Variants in OR8B3 observed in about 807,000 individuals in gnomAD.
The protein encoded by OR8B3 is olfactory receptor family 8 subfamily B member 3.
For missense variants in OR8B3, 278 were observed against 377.6 expected, an observed-to-expected ratio of 0.74 and a Z score of 2.19; for synonymous variants, 102 against 135.4, an observed-to-expected ratio of 0.75 and a Z score of 1.71.
At chr11:124,404,979 CATAAAATT>C in the OR8B3 span, 5 of 152,072 alleles carry the variant, frequency 3.3e-5, no homozygotes, top group African/African-American at 1.2e-4. Flanking sequence ...AATTTAGGGA[CATAAAATT>C]ATGTTCAAAT....
upstream of OR8B3, among the ~76,000 whole-genome samples, chr11:124,403,121 T>G (rs764865850): frequency 4.6e-5 from 7 of 152,228 alleles, no homozygotes; most frequent in Non-Finnish European, 7.3e-5. Context: ...ACACAGCACA[T>G]GTTTCAGAGA....
upstream of OR8B3, among the ~76,000 whole-genome samples, chr11:124,400,912 T>C (rs979424104): frequency 6.6e-6 from 1 of 152,130 alleles, no homozygotes; most frequent in Non-Finnish European, 1.5e-5. Context: ...TCCAAAAATA[T>C]ATATATTCAT....
rs752249400 is a variant in OR8B3 at position 124,396,288 on chromosome 11, T to A, written c.*122A>T. ...AGACAAGATGATTTCATAAGAGAAATGATAAGACAAGTTTATTAAATCACA... is the reference window on the plus strand; with the variant it reads ...AGACAAGATGATTTCATAAGAGAAAAGATAAGACAAGTTTATTAAATCACA... On this transcript the variant is annotated 3_prime_UTR_variant, in exon 2 of 2. Transcript: ENST00000641139. The A allele has an allele frequency of 1.4e-4, 126 of 897,694 alleles. No individual in the cohort carries two copies. The highest frequency in any genetic ancestry group is 1.9e-4 in the Non-Finnish European group (117 of 614,268). The allele number at this position is 897,694 out of a possible 1,614,324, so 55.6% of individuals were successfully genotyped here.
At position 124,395,813 on chromosome 11, in the gene OR8B3, C is replaced by A. The variant is rs1860854152; in HGVS notation, c.*597G>T. 6.6e-6 allele frequency: 1 copy of A among 152,434 alleles called. No individual in the cohort carries two copies. The highest frequency in any genetic ancestry group is 6.5e-5 in the Admixed American group (1 of 15,286). 9.4% of individuals were successfully genotyped at this position (152,434 alleles called of 1,614,324 possible). A position where few individuals can be genotyped will look rare whatever the true frequency, so the allele number is the denominator to read the frequency against. ...TCTCTGCTGTATCAAATGCACTGGACTGATAGAGGTTCTCAGAAGCAAACG... is the reference window on the plus strand; with the variant it reads ...TCTCTGCTGTATCAAATGCACTGGAATGATAGAGGTTCTCAGAAGCAAACG... On this transcript the variant is annotated 3_prime_UTR_variant, in exon 2 of 2. Transcript: ENST00000641139.
At chr11:124,404,036 A>C in the OR8B3 span, among the ~76,000 whole-genome samples, 1 of 152,098 alleles carries the variant, frequency 6.6e-6, no homozygotes, top group African/African-American at 2.4e-5. Context: ...TCAGGCAGGG[A>C]GGTTGCAGTG....
chr11:124,408,977 A>G, the OR8B3 span, among the ~76,000 whole-genome samples: 3 of 152,224 alleles, frequency 2.0e-5, no homozygotes, highest in African/African-American at 7.2e-5. Flanking sequence ...TGCTGCTGCC[A>G]TACATTGCCA....
upstream of OR8B3, among the ~76,000 whole-genome samples, chr11:124,400,855 C>T (rs1004052833): frequency 4.6e-5 from 7 of 151,986 alleles, no homozygotes; most frequent in Non-Finnish European, 7.4e-5. Flanking sequence ...TGTGAGCCAT[C>T]ACACCCAGCG....
chr11:124,400,929 TA>T (rs1324047161), upstream of OR8B3, among the ~76,000 whole-genome samples: 2 of 152,154 alleles, frequency 1.3e-5, no homozygotes, highest in African/African-American at 4.8e-5. Flanking sequence ...TCATAGTTAT[TA>T]ATGAAAATTT....
chr11:124,402,835 C>T (rs1265511680), upstream of OR8B3, among the ~76,000 whole-genome samples: 2 of 148,234 alleles, frequency 1.3e-5, no homozygotes, highest in African/African-American at 2.5e-5. Flanking sequence ...AATGATGCTT[C>T]TTTTTTTTTT....
At chr11:124,406,746 G>A in the OR8B3 span, among the ~76,000 whole-genome samples, 5 of 151,366 alleles carry the variant, frequency 3.3e-5, no homozygotes, top group African/African-American at 4.9e-5. Context: ...TTTCTAATGT[G>A]GGTTCTTATG....
upstream of OR8B3, among the ~76,000 whole-genome samples, chr11:124,400,375 T>C (rs2134211248): frequency 6.6e-6 from 1 of 152,296 alleles, no homozygotes; most frequent in East Asian, 1.9e-4. Flanking sequence ...TTTTGAAATA[T>C]ATATTGCATT....
the OR8B3 span, among the ~76,000 whole-genome samples, chr11:124,407,806 C>T: frequency 6.6e-6 from 1 of 151,992 alleles, no homozygotes; most frequent in African/African-American, 2.4e-5. Context: ...CAGTTTAAAG[C>T]TTAATTTTTC....
upstream of OR8B3, among the ~76,000 whole-genome samples, chr11:124,400,602 G>C (rs1484071634): frequency 6.6e-6 from 1 of 151,978 alleles, no homozygotes; most frequent in Admixed American, 6.6e-5. Context: ...ACAGTGGCAC[G>C]ATCTTGGCTC....
At chr11:124,402,734 A>G (rs1861015208), upstream of OR8B3, among the ~76,000 whole-genome samples, 1 of 152,262 alleles carries the variant, frequency 6.6e-6, no homozygotes, top group Non-Finnish European at 1.5e-5. Flanking sequence ...TGATAGAGGC[A>G]GACATGAGGC....
intron 1 of OR8B3, among the ~76,000 whole-genome samples, chr11:124,397,835 A>T (rs1860916101): frequency 6.6e-6 from 1 of 151,964 alleles, no homozygotes; most frequent in South Asian, 2.1e-4. Context: ...AGCTAGGATT[A>T]CAGGCACATG....
chr11:124,407,416 C>T, the OR8B3 span, among the ~76,000 whole-genome samples: 4 of 152,030 alleles, frequency 2.6e-5, no homozygotes, highest in Admixed American at 2.0e-4. Context: ...TTCTCATATA[C>T]CCCACTCTCA....
chr11:124,401,222 C>CAGAAAG (rs1555071083), upstream of OR8B3, among the ~76,000 whole-genome samples: 2 of 142,398 alleles, frequency 1.4e-5, no homozygotes, highest in African/African-American at 5.5e-5. Flanking sequence ...TGCAAAGAGA[C>CAGAAAG]AGAGAGAGAG....
At chr11:124,409,526 G>A in the OR8B3 span, among the ~76,000 whole-genome samples, 1 of 152,320 alleles carries the variant, frequency 6.6e-6, no homozygotes, top group East Asian at 1.9e-4. Context: ...CTTCAATTAG[G>A]CCAAAGGGCA....
the OR8B3 span, among the ~76,000 whole-genome samples, chr11:124,408,757 G>T: frequency 6.6e-6 from 1 of 152,082 alleles, no homozygotes; most frequent in Non-Finnish European, 1.5e-5. Context: ...AAAGAGGCAT[G>T]GAAGGCGCCT....
Sources: gnomAD v4.1 joint callset for allele counts (sites outside exome capture counted in the v4.1 genomes callset) on GRCh38, gnomAD v4.1.1 for gene constraint, MANE v1.5 for transcripts, NCBI Gene and HGNC (gene_info 2026-07-23, HGNC 2026-07-21) for gene names.